The following SNCG variants were observed in gnomAD, a reference collection of about 807,000 sequenced individuals.
The protein encoded by SNCG is synuclein gamma.
SNCG carries 13 observed loss-of-function variants against 16.0 expected under a neutral mutation model. The ratio of observed to expected loss-of-function variants is 0.81; its 90% confidence interval spans 0.53 to 1.29. SNCG has a LOEUF of 1.29. Among genes scored for constraint, SNCG ranks in the 50% most tolerant of loss-of-function variants. SNCG has a pLI of 0.00. For missense variants in SNCG, 154 were observed against 168.5 expected (o/e 0.91, Z 0.48); for synonymous variants, 66 against 66.3 (o/e 1.00, Z 0.02).
upstream of SNCG, chr10:86,957,687 C>T (rs923067236): frequency 1.9e-5 from 26 of 1,335,708 alleles, no homozygotes; most frequent in Admixed American, 2.8e-5. Flanking sequence ...CCGGCCTACC[C>T]GGTGGGTCTT....
Position 86,959,717 on chromosome 10 carries a change from C to T in SNCG, c.163+43C>T. On this transcript the variant is annotated intron_variant, in intron 2 of 4. Coordinates refer to ENST00000372017, the MANE Select transcript of SNCG (RefSeq NM_003087.3). This position sits in a 1 kb window ranked among gnomAD's most constrained non-coding sequence, Gnocchi z 4.3. ...CAGGGGACACATGGGGGATAGGACC[C>T]CTGGGGCTCCTGCATCCTAGTGCTG... 1.3e-6 allele frequency: 2 copies of T among 1,536,630 alleles called. No homozygotes were observed. Among genetic ancestry groups the T allele is most frequent in the Non-Finnish European group, 1.8e-6 (2 of 1,131,650 alleles).
rs978539899 is a variant in SNCG at position 86,959,173 on chromosome 10, C to T, written c.121+355C>T. 1.3e-5 allele frequency among the ~76,000 whole-genome samples: 2 copies of T among 152,156 alleles called. No individual in the cohort carries two copies. The highest frequency in any genetic ancestry group is 6.5e-5 in the Admixed American group (1 of 15,288). ...GGCCCCCACCCTCTCCACACGGGAG[C>T]GGCTACAGCCAGGTCACGGATCCCC... On this transcript the variant is annotated intron_variant, in intron 1 of 4. Coordinates refer to ENST00000372017, the MANE Select transcript of SNCG (RefSeq NM_003087.3). The surrounding 1 kb of genome is among the most constrained non-coding windows in gnomAD (Gnocchi z 4.3).
upstream of SNCG, chr10:86,958,577 G>A (rs1464485934): frequency 5.9e-6 from 8 of 1,357,488 alleles, no homozygotes; most frequent in Admixed American, 2.3e-5. Context: ...ATATTTCATC[G>A]GCGTCAATAG....
Position 86,962,592 on chromosome 10 carries a change from T to G in SNCG, c.292-12T>G. 6.2e-7 allele frequency: 1 copy of G among 1,604,674 alleles called. No homozygotes were observed. The highest frequency in any genetic ancestry group is 2.2e-5 in the East Asian group (1 of 44,830). Reference sequence around the variant, plus strand: ...CTCCACATGGTCTCATGCCCCCTTTTGTCCCCTACAGGAGGACTTGAGGCC... The same window carrying G: ...CTCCACATGGTCTCATGCCCCCTTTGGTCCCCTACAGGAGGACTTGAGGCC... On this transcript the variant is annotated splice_polypyrimidine_tract_variant and intron_variant, in intron 3 of 4. Transcript: ENST00000372017.
At position 86,960,002 on chromosome 10, in the gene SNCG, G is replaced by A. The variant is rs1844312936; in HGVS notation, c.165G>A (p.Val55=). ...AGGCCAGCCAGTGTCCTCCCATAGT[G>A]GCCGAGAAGACCAAGGAGCAGGCCA... The part of the protein sequence containing the change: ...KENVVQSVTS[V]AEKTKEQANA... The change falls in exon 3 of 5, where the codon GTG becomes GTA. Residue 55 remains valine (V), a splice_region_variant and synonymous_variant. Coordinates refer to ENST00000372017, the MANE Select transcript of SNCG (RefSeq NM_003087.3). 1 of 1,594,944 alleles carries A rather than the reference G, an allele frequency of 6.3e-7. No homozygotes were observed. The highest frequency in any genetic ancestry group is 1.3e-5 in the African/African-American group (1 of 74,730).
Position 86,959,561 on chromosome 10 carries a change from CTGTTG to C in SNCG, c.122-67_122-63del, listed in dbSNP as rs1280639861. On this transcript the variant is annotated intron_variant, in intron 1 of 4. Coordinates refer to ENST00000372017, the MANE Select transcript of SNCG (RefSeq NM_003087.3). The surrounding 1 kb of genome is among the most constrained non-coding windows in gnomAD (Gnocchi z 4.3). The stretch of plus-strand genomic sequence containing the variant: ...CGACCCCACAGTTTGTCCAGCTGTT[CTGTTG>C]TGTTTGTCCTGACCGCCCCCAACAC... 3.7e-6 allele frequency: 5 copies of C among 1,363,904 alleles called. No individual in the cohort carries two copies. The highest frequency in any genetic ancestry group is 1.4e-5 in the African/African-American group (1 of 69,880). The allele number at this position is 1,363,904 out of a possible 1,614,324, so 84.5% of individuals were successfully genotyped here.
intron 4 of SNCG, 39 bp from the exon 5 acceptor site, chr10:86,962,926 G>T: frequency 1.3e-6 from 2 of 1,588,462 alleles, no homozygotes; most frequent in Non-Finnish European, 1.7e-6. Context: ...ATTAAGGCTG[G>T]GGCCTGGAGC....
rs1423390475 is a variant in SNCG at position 86,960,471 on chromosome 10, G to C, written c.291+343G>C. 2.6e-5 allele frequency among the ~76,000 whole-genome samples: 4 copies of C among 152,274 alleles called. No individual in the cohort carries two copies. In the East Asian group the frequency reaches 7.7e-4, roughly 29 times the overall value. On this transcript the variant is annotated intron_variant, in intron 3 of 4. Coordinates refer to ENST00000372017, the MANE Select transcript of SNCG (RefSeq NM_003087.3). The stretch of plus-strand genomic sequence containing the variant: ...ACAGGATCCCACACGGTGACAGGCA[G>C]CCTCCCGGGCAGTGGTCACCAGGCC...
In SNCG at chr10:86,962,909, G is replaced by A. The variant is rs73334931; in HGVS notation, c.364-56G>A. 2.2e-3 allele frequency: 3,404 copies of A among 1,570,756 alleles called. 79 individuals carry two copies. In the African/African-American group the frequency reaches 0.041, roughly 19 times the overall value. The stretch of plus-strand genomic sequence containing the variant: ...GACAACTTTTCTCAGCCCACTCAGG[G>A]TGGCCCATTAAGGCTGGGGCCTGGA... On this transcript the variant is annotated intron_variant, in intron 4 of 4. Transcript: ENST00000372017.
At chr10:86,957,510 C>G (rs1344455602), upstream of SNCG, 5 of 1,612,274 alleles carry the variant, frequency 3.1e-6, no homozygotes, top group Non-Finnish European at 4.2e-6. Context: ...GCCCAGGGGG[C>G]CCCCAAGGCT....
At position 86,959,609 on chromosome 10, in the gene SNCG, C is replaced by T; in HGVS notation, c.122-24C>T. The T allele has an allele frequency of 1.2e-6, 2 of 1,612,850 alleles. No individual in the cohort carries two copies. Among genetic ancestry groups the T allele is most frequent in the Non-Finnish European group, 1.7e-6 (2 of 1,179,150 alleles). On this transcript the variant is annotated intron_variant, in intron 1 of 4. Coordinates refer to ENST00000372017, the MANE Select transcript of SNCG (RefSeq NM_003087.3). The surrounding 1 kb of genome is among the most constrained non-coding windows in gnomAD (Gnocchi z 4.3). ...CCCAACACCTCGAGGGAGGTCTGGG[C>T]TGACAGCTCCATTTCCTCCCCAGGA...
chr10:86,957,321 C>A (rs116308456), upstream of SNCG: 1,783 of 1,581,750 alleles, frequency 1.1e-3, 20 homozygotes, highest in African/African-American at 0.022. Context: ...TCTGCTCTAG[C>A]TGAGCTGGGA....
upstream of SNCG, chr10:86,957,955 G>A: frequency 9.7e-7 from 1 of 1,028,698 alleles, no homozygotes; most frequent in Non-Finnish European, 1.2e-6. Context: ...GAAATGGGGG[G>A]CAATTCATGC....
At position 86,959,697 on chromosome 10, in the gene SNCG, G is replaced by T. The variant is rs754181225; in HGVS notation, c.163+23G>T. 1.9e-6 allele frequency: 3 copies of T among 1,592,480 alleles called. No homozygotes were observed. The highest frequency in any genetic ancestry group is 2.3e-5 in the South Asian group (2 of 87,456). ...CAGGTGAGAAGCCCCAGGGCCAGGG[G>T]ACACATGGGGGATAGGACCCCTGGG... On this transcript the variant is annotated intron_variant, in intron 2 of 4. Coordinates refer to ENST00000372017, the MANE Select transcript of SNCG (RefSeq NM_003087.3). This position sits in a 1 kb window ranked among gnomAD's most constrained non-coding sequence, Gnocchi z 4.3.
upstream of SNCG, chr10:86,958,031 A>G (rs181397253): frequency 6.9e-4 from 681 of 985,422 alleles, 1 homozygote; most frequent in Admixed American, 8.0e-4. Context: ...GTCACACAGC[A>G]TGCAGCCAGA....
In SNCG at chr10:86,959,606, G is replaced by T; in HGVS notation, c.122-27G>T. 1 of 1,612,620 alleles carries T rather than the reference G, an allele frequency of 6.2e-7. No individual in the cohort carries two copies. The highest frequency in any genetic ancestry group is 1.3e-5 in the African/African-American group (1 of 74,936). ...GCCCCCAACACCTCGAGGGAGGTCT[G>T]GGCTGACAGCTCCATTTCCTCCCCA... On this transcript the variant is annotated intron_variant, in intron 1 of 4. Transcript: ENST00000372017. This position sits in a 1 kb window ranked among gnomAD's most constrained non-coding sequence, Gnocchi z 4.3.
chr10:86,962,513 T>G (rs1021674815), intron 3 of SNCG, 91 bp from the exon 4 acceptor site: 20 of 908,382 alleles, frequency 2.2e-5, no homozygotes, highest in Non-Finnish European at 3.3e-5. Context: ...TGCTCCTCCT[T>G]GAGGCCAGGG....
At chr10:86,962,903 C>T in intron 4 of SNCG, 62 bp from the exon 5 acceptor site, 2 of 1,560,544 alleles carry the variant, frequency 1.3e-6, no homozygotes, top group South Asian at 2.4e-5. Context: ...TCTCAGCCCA[C>T]TCAGGGTGGC....
At chr10:86,957,708 C>A, upstream of SNCG, 1 of 1,328,084 alleles carries the variant, frequency 7.5e-7, no homozygotes, top group Non-Finnish European at 9.9e-7. Context: ...GTCCTGCCCC[C>A]CAACTACCCT....
Sources: gnomAD v4.1 joint callset for allele counts (sites outside exome capture counted in the v4.1 genomes callset) on GRCh38, gnomAD v4.1.1 for gene constraint, Gnocchi (gnomAD v3.1) non-coding constraint, MANE v1.5 for transcripts, NCBI Gene and HGNC (gene_info 2026-07-23, HGNC 2026-07-21) for gene names.